The following SIMC1 variants were observed in gnomAD, a reference collection of about 807,000 sequenced individuals.
SIMC1 encodes the protein SUMO-interacting motif-containing protein 1.
A neutral mutation model predicts 82.3 loss-of-function variants in SIMC1; 55 were observed. The ratio of observed to expected loss-of-function variants is 0.67; its 90% CI spans 0.54 to 0.84. The LOEUF is 0.84. Among genes scored for constraint, SIMC1 ranks in the 40% least tolerant of loss-of-function variants. The pLI is 0.00. For synonymous variants in SIMC1, 353 were observed against 426.3 expected, an observed-to-expected ratio of 0.83 and a Z score of 2.12; for missense variants, 915 against 1,107.2, an observed-to-expected ratio of 0.83 and a Z score of 2.46.
rs147476048 is a variant in SIMC1, at chr5:176,295,046, T to G, written c.1448T>G (p.Leu483Ter). 6.0e-5 allele frequency: 96 copies of G among 1,612,410 alleles called. No individual in the cohort carries two copies. The highest frequency in any genetic ancestry group is 8.1e-5 in the Non-Finnish European group (95 of 1,179,474). Reference sequence around the variant, plus strand: ...TCTCTACAGAACAAGGGTCAAAAATTAGAACCCATCCCTCATCGAAGACTA... The same window carrying G: ...TCTCTACAGAACAAGGGTCAAAAATGAGAACCCATCCCTCATCGAAGACTA... ...KDTRENKGQK[L>*]EPIPHRRLRM... Residue 483 changes from leucine (L) to a stop codon, truncating the protein, a stop_gained, in exon 3 of 10, where the codon TTA (leucine) becomes TGA (stop). Coordinates refer to ENST00000429602, the MANE Select transcript of SIMC1 (RefSeq NM_001308195.2). LOFTEE classifies it high-confidence loss of function.
intron 7 of SIMC1, among the ~76,000 whole-genome samples, chr5:176,335,894 T>A (rs1175152115): frequency 6.6e-6 from 1 of 151,880 alleles, no homozygotes; most frequent in Non-Finnish European, 1.5e-5. Context: ...AAAATAATAA[T>A]TAGCCAGGGA....
chr5:176,268,897 C>T lies in SIMC1; in HGVS notation c.130-20757C>T, dbSNP rs549700060. On this transcript the variant is annotated intron_variant, in intron 1 of 9. Transcript: ENST00000429602. The stretch of plus-strand genomic sequence containing the variant: ...TCTCCCTAAGTACACAAGGAAGATT[C>T]ACCAGGGTAGGCTGTGTGTTAGGAC... Among the ~76,000 whole-genome samples, 12 of 152,286 alleles carry T rather than the reference C, an allele frequency of 7.9e-5. 1 individual carries two copies. Among genetic ancestry groups the T allele is most frequent in the Non-Finnish European group, 2.9e-5 (2 of 68,010 alleles).
intron 1 of SIMC1, among the ~76,000 whole-genome samples, chr5:176,250,689 T>G (rs1251043914): frequency 6.6e-6 from 1 of 152,222 alleles, no homozygotes; most frequent in Non-Finnish European, 1.5e-5. Flanking sequence ...CGCTTCTTGT[T>G]GCATTAATCC....
At chr5:176,250,679 C>T (rs140931030) in intron 1 of SIMC1, among the ~76,000 whole-genome samples, 2,278 of 152,234 alleles carry the variant, frequency 0.015, 22 homozygotes, top group Non-Finnish European at 0.02. Flanking sequence ...GGATAGTTAG[C>T]GCTTCTTGTT....
At chr5:176,253,231 A>G (rs1161864735) in intron 1 of SIMC1, among the ~76,000 whole-genome samples, 1 of 152,156 alleles carries the variant, frequency 6.6e-6, no homozygotes, top group Non-Finnish European at 1.5e-5. Flanking sequence ...TTCTTCAGAG[A>G]GATCCACTGT....
intron 4 of SIMC1, among the ~76,000 whole-genome samples, chr5:176,305,496 T>A (rs1346990220): frequency 1.2e-4 from 11 of 94,820 alleles, no homozygotes; most frequent in Middle Eastern, 6.7e-3. Context: ...GAGGAGCCCC[T>A]CAGCCCGGCC....
At chr5:176,250,044 C>T (rs1447038061) in intron 1 of SIMC1, among the ~76,000 whole-genome samples, 1 of 151,866 alleles carries the variant, frequency 6.6e-6, no homozygotes, top group Admixed American at 6.6e-5. Context: ...CGGCTTTTTC[C>T]TGTGGGCATT....
At chr5:176,257,840 T>C (rs184581631) in intron 1 of SIMC1, among the ~76,000 whole-genome samples, 114 of 152,322 alleles carry the variant, frequency 7.5e-4, no homozygotes, top group African/African-American at 2.6e-3. Context: ...GGTTGTCCTA[T>C]GCACTGTAGG....
At chr5:176,250,603 T>C (rs1440554810) in intron 1 of SIMC1, among the ~76,000 whole-genome samples, 1 of 152,214 alleles carries the variant, frequency 6.6e-6, no homozygotes, top group Non-Finnish European at 1.5e-5. Context: ...TCTAAGTCTC[T>C]TTGTAGGTCT....
chr5:176,288,730 G>T (rs1763408030), intron 1 of SIMC1, among the ~76,000 whole-genome samples: 1 of 152,210 alleles, frequency 6.6e-6, no homozygotes, highest in Non-Finnish European at 1.5e-5. Flanking sequence ...TCTATTAAGA[G>T]AAATAGCATG....
At chr5:176,283,692 G>A (rs1020511055) in intron 1 of SIMC1, among the ~76,000 whole-genome samples, 2 of 152,142 alleles carry the variant, frequency 1.3e-5, no homozygotes, top group Non-Finnish European at 2.9e-5. Flanking sequence ...CTTAAATGTA[G>A]ATGTGCCCAA....
intron 4 of SIMC1, among the ~76,000 whole-genome samples, chr5:176,310,025 A>C (rs1031958874): frequency 2.0e-4 from 31 of 152,318 alleles, no homozygotes; most frequent in Admixed American, 5.2e-4. Context: ...ACTGAAGAGG[A>C]TCTATAGATG....
chr5:176,296,191 A>C, intron 3 of SIMC1, 60 bp from the exon 4 acceptor site: 1 of 1,597,772 alleles, frequency 6.3e-7, no homozygotes, highest in Non-Finnish European at 8.5e-7. Context: ...TCACCTTCAG[A>C]TCCTATCCCT....
At chr5:176,250,408 G>A (rs1761609745) in intron 1 of SIMC1, among the ~76,000 whole-genome samples, 1 of 152,206 alleles carries the variant, frequency 6.6e-6, no homozygotes, top group African/African-American at 2.4e-5. Flanking sequence ...GAATAAGTGA[G>A]ATGTGGTGCT....
Position 176,336,101 on chromosome 5 carries a change from A to G in SIMC1, c.2172-619A>G, listed in dbSNP as rs538494456. Among the ~76,000 whole-genome samples, 4 of 151,756 alleles carry G rather than the reference A, an allele frequency of 2.6e-5. No individual in the cohort carries two copies. The East Asian group carries it at 5.8e-4, about 22-fold the overall frequency. On this transcript the variant is annotated intron_variant, in intron 7 of 9. Transcript: ENST00000429602. ...GGGAGGGAGGCAGGGAGGGGGAGAG[A>G]GAGAGAGAGAGAGAGATTAGAAAGC...
chr5:176,297,517 A>C (rs1380151097), intron 4 of SIMC1, among the ~76,000 whole-genome samples: 10 of 151,696 alleles, frequency 6.6e-5, no homozygotes, highest in African/African-American at 1.9e-4. Context: ...AAAAAAAAAA[A>C]AAAAAAAAAA....
In SIMC1 at chr5:176,345,463, A is replaced by G. The variant is rs1047066427; in HGVS notation, c.*18A>G. ...GCTCCTGAGGGCCTGCCAAGCACTG[A>G]ATGCCAAGAATACCTCCTGAACTCT... On this transcript the variant is annotated 3_prime_UTR_variant, in exon 10 of 10. Transcript: ENST00000429602. 1 of 1,599,916 alleles carries G rather than the reference A, an allele frequency of 6.3e-7. No individual in the cohort carries two copies. Among genetic ancestry groups the G allele is most frequent in the African/African-American group, 1.3e-5 (1 of 74,136 alleles).
intron 5 of SIMC1, among the ~76,000 whole-genome samples, chr5:176,321,398 G>C (rs531551621): frequency 6.7e-6 from 1 of 150,082 alleles, no homozygotes; most frequent in Admixed American, 6.7e-5. Flanking sequence ...AGCCGAGATC[G>C]CACCACTGCA....
At chr5:176,327,017 G>T (rs1176543991) in intron 7 of SIMC1, among the ~76,000 whole-genome samples, 1 of 152,196 alleles carries the variant, frequency 6.6e-6, no homozygotes, top group Non-Finnish European at 1.5e-5. Context: ...GTGTTGTACT[G>T]GTCAGACAGA....
Sources: allele counts gnomAD v4.1 joint callset (sites outside exome capture counted in the v4.1 genomes callset), GRCh38; gene constraint gnomAD v4.1.1; transcripts MANE v1.5; gene names NCBI Gene and HGNC (gene_info 2026-07-23, HGNC 2026-07-21).